TNFAIP6: variants seen among roughly 807,000 people sequenced by gnomAD.
TNFAIP6 encodes tumor necrosis factor-inducible gene 6 protein.
TNFAIP6 carries 36 observed loss-of-function variants against 33.7 expected under a neutral mutation model. The ratio of observed to expected loss-of-function variants is 1.07; its 90% confidence interval spans 0.82 to 1.41. The LOEUF is 1.41. Among genes scored for constraint, TNFAIP6 ranks in the 40% most tolerant of loss-of-function variants. The probability of loss-of-function intolerance (pLI) is 0.00; values close to 1 mark genes in which losing one functional copy is unlikely to be tolerated. For synonymous variants in TNFAIP6, 113 were observed against 112.8 expected (o/e 1.00, Z -0.01); for missense variants, 273 against 331.9 (o/e 0.82, Z 1.38).
In TNFAIP6 at chr2:151,379,313, A is replaced by T. The variant is rs187085380; in HGVS notation, c.665-51A>T. ...ATGAAGAGTCTTTGAATTGTCAGCC[A>T]AATCAAAGGAGAGTAACATCTTTGT... On this transcript the variant is annotated intron_variant, in intron 5 of 5. Coordinates refer to ENST00000243347, the MANE Select transcript of TNFAIP6 (RefSeq NM_007115.4). The T allele has an allele frequency of 5.0e-5, 75 of 1,505,584 alleles. 1 individual carries two copies. The Admixed American group carries it at 9.5e-4, about 19-fold the overall frequency. The allele number at this position is 1,505,584 out of a possible 1,614,324, so 93.3% of individuals were successfully genotyped here. A position where few individuals can be genotyped will look rare whatever the true frequency, so the allele number is the denominator to read the frequency against.
At chr2:151,380,073 T>C (rs1238139987), downstream of TNFAIP6, 2 of 152,108 alleles carry the variant, frequency 1.3e-5, no homozygotes, top group African/African-American at 4.8e-5. Context: ...TCTAATTATT[T>C]AAGACAAGGA....
At chr2:151,373,744 C>A (rs200600953) in intron 5 of TNFAIP6, 155 bp downstream of exon 5, 438 of 243,218 alleles carry the variant, frequency 1.8e-3, no homozygotes, top group South Asian at 3.3e-3. Context: ...TTGTAAAATG[C>A]AAAAAAAAAA....
chr2:151,373,881 C>T (rs896308860), intron 5 of TNFAIP6: 3 of 205,936 alleles, frequency 1.5e-5, no homozygotes, highest in African/African-American at 6.9e-5. Flanking sequence ...TTTATGATTT[C>T]CATAAATGTG....
chr2:151,370,017 C>T lies in TNFAIP6; in HGVS notation c.395-3C>T. The T allele has an allele frequency of 1.3e-6, 2 of 1,598,456 alleles. No individual in the cohort carries two copies. The highest frequency in any genetic ancestry group is 1.7e-6 in the Non-Finnish European group (2 of 1,172,662). ...TTTTACGTTTTTTTTCTTCTCATTT[C>T]AGCAAAGGAGTGTGGTGGCGTCTTT... On this transcript the variant is annotated splice_polypyrimidine_tract_variant and splice_region_variant and intron_variant, in intron 3 of 5. Coordinates refer to ENST00000243347, the MANE Select transcript of TNFAIP6 (RefSeq NM_007115.4).
chr2:151,366,350 T>C, intron 3 of TNFAIP6, 133 bp downstream of exon 3: 1 of 751,414 alleles, frequency 1.3e-6, no homozygotes, highest in East Asian at 2.7e-5. Context: ...ATAACTACAA[T>C]TCATAAAGTG....
In TNFAIP6 at chr2:151,379,437, A is replaced by G; in HGVS notation, c.738A>G (p.Ala246=). 6.2e-7 allele frequency: 1 copy of G among 1,609,732 alleles called. No homozygotes were observed. The highest frequency in any genetic ancestry group is 1.1e-5 in the South Asian group (1 of 90,548). Residue 246 remains alanine (A), a synonymous_variant, in exon 6 of 6, where the codon GCA becomes GCG. Transcript: ENST00000243347. ...TAGGFQIKYV[A]MDPVSKSSQG... ...GAGGTTTCCAAATCAAATATGTTGC[A>G]ATGGATCCTGTATCCAAATCCAGTC...
chr2:151,376,928 G>A (rs1684921578), intron 5 of TNFAIP6, among the ~76,000 whole-genome samples: 2 of 140,800 alleles, frequency 1.4e-5, no homozygotes, highest in Admixed American at 7.4e-5. Context: ...CCAGGCTGGA[G>A]TGCAAGGGCG....
intron 4 of TNFAIP6, among the ~76,000 whole-genome samples, chr2:151,373,076 G>A (rs1006803729): frequency 1.3e-5 from 2 of 152,062 alleles, no homozygotes. Flanking sequence ...CCAACACTTT[G>A]AGAAGCTGAG....
intron 3 of TNFAIP6, among the ~76,000 whole-genome samples, chr2:151,369,083 C>T (rs1163476126): frequency 6.6e-6 from 1 of 152,076 alleles, no homozygotes; most frequent in Non-Finnish European, 1.5e-5. Context: ...ATCCCAGCTA[C>T]TCAGAAGGCT....
At chr2:151,367,188 T>A (rs1684727737) in intron 3 of TNFAIP6, among the ~76,000 whole-genome samples, 1 of 152,168 alleles carries the variant, frequency 6.6e-6, no homozygotes, top group African/African-American at 2.4e-5. Context: ...CTAACCTATA[T>A]CTCAAAATTA....
chr2:151,364,056 C>A lies in TNFAIP6; in HGVS notation c.208C>A (p.Gln70Lys), dbSNP rs373889474. ...AGGCGGCCATCTCGCAACTTACAAGCAGCTAGAGGCAGCCAGAAAAATTGG... is the reference window on the plus strand; with the variant it reads ...AGGCGGCCATCTCGCAACTTACAAGAAGCTAGAGGCAGCCAGAAAAATTGG... ...FEGGHLATYK[Q>K]LEAARKIGFH... The change falls in exon 2 of 6, where the codon CAG (glutamine) becomes AAG (lysine). Residue 70 changes from glutamine (Q) to lysine (K), a missense_variant. Gln to Lys is a moderately conservative substitution (Grantham distance 53). Coordinates refer to ENST00000243347, the MANE Select transcript of TNFAIP6 (RefSeq NM_007115.4). The A allele has an allele frequency of 2.4e-5, 38 of 1,613,716 alleles. No individual in the cohort carries two copies. The Admixed American group carries it at 3.3e-4, about 14-fold the overall frequency.
intron 1 of TNFAIP6, among the ~76,000 whole-genome samples, chr2:151,363,154 A>C (rs962299929): frequency 7.9e-5 from 12 of 151,658 alleles, no homozygotes; most frequent in Non-Finnish European, 1.6e-4. Flanking sequence ...CGTCTCTACT[A>C]AAAATACAAA....
Position 151,379,589 on chromosome 2 carries a change from C to A in TNFAIP6, c.*56C>A. The A allele has an allele frequency of 8.5e-7, 1 of 1,179,782 alleles. No individual in the cohort carries two copies. The highest frequency in any genetic ancestry group is 1.1e-6 in the Non-Finnish European group (1 of 872,684). 73.1% of individuals were successfully genotyped at this position (1,179,782 alleles called of 1,614,324 possible). ...GTGTTTATGTTGGAATCTTTTGGAACTCCTTTGATCTCACTGTTATTATTA... is the reference window on the plus strand; with the variant it reads ...GTGTTTATGTTGGAATCTTTTGGAAATCCTTTGATCTCACTGTTATTATTA... On this transcript the variant is annotated 3_prime_UTR_variant, in exon 6 of 6. Transcript: ENST00000243347.
chr2:151,377,796 A>C lies in TNFAIP6; in HGVS notation c.665-1568A>C, dbSNP rs542848089. 2.0e-5 allele frequency among the ~76,000 whole-genome samples: 3 copies of C among 150,056 alleles called. No individual in the cohort carries two copies. In the East Asian group the frequency reaches 5.8e-4, roughly 29 times the overall value. Reference sequence around the variant, plus strand: ...TTTCTCTCAGTCTGTCTCGTGCAAAATTTTTTTTTTATATTTAGGCAAATC... The same window carrying C: ...TTTCTCTCAGTCTGTCTCGTGCAAACTTTTTTTTTTATATTTAGGCAAATC... On this transcript the variant is annotated intron_variant, in intron 5 of 5. Coordinates refer to ENST00000243347, the MANE Select transcript of TNFAIP6 (RefSeq NM_007115.4).
intron 1 of TNFAIP6, among the ~76,000 whole-genome samples, chr2:151,362,831 G>C (rs563323171): frequency 2.7e-4 from 41 of 152,092 alleles, no homozygotes; most frequent in African/African-American, 9.9e-4. Flanking sequence ...CCCTCAATTG[G>C]ATATTTTAGC....
chr2:151,364,218 G>C, intron 2 of TNFAIP6, 138 bp downstream of exon 2: 1 of 1,105,670 alleles, frequency 9.0e-7, no homozygotes, highest in Non-Finnish European at 1.3e-6. Context: ...TCTGCTCTCT[G>C]ACTTCTCCTA....
intron 1 of TNFAIP6, among the ~76,000 whole-genome samples, chr2:151,358,704 A>G (rs538295534): frequency 6.6e-6 from 1 of 152,296 alleles, no homozygotes; most frequent in South Asian, 2.1e-4. Flanking sequence ...CCCTTTCAGC[A>G]TGTTTCTCTC....
intron 1 of TNFAIP6, among the ~76,000 whole-genome samples, chr2:151,362,697 AGCCAGGATG>A (rs1476454328): frequency 6.6e-6 from 1 of 151,974 alleles, no homozygotes; most frequent in African/African-American, 2.4e-5. Flanking sequence ...TCACCGTGTT[AGCCAGGATG>A]GTCTAGATCT....
intron 4 of TNFAIP6, among the ~76,000 whole-genome samples, chr2:151,372,860 C>A (rs1056504288): frequency 6.6e-6 from 1 of 152,002 alleles, no homozygotes; most frequent in Admixed American, 6.6e-5. Flanking sequence ...GCAGAGGTTG[C>A]AGTGAGCTGA....
Sources: gnomAD v4.1 joint callset for allele counts (sites outside exome capture counted in the v4.1 genomes callset) on GRCh38, gnomAD v4.1.1 for gene constraint, MANE v1.5 for transcripts, NCBI Gene and HGNC (gene_info 2026-07-23, HGNC 2026-07-21) for gene names.